Variants in CENPM observed in about 807,000 individuals in gnomAD.
The protein encoded by CENPM is interphase centromere complex protein 39.
In CENPM, 14 loss-of-function variants were observed where a neutral mutation model predicts 19.6. That is an observed-to-expected ratio of 0.71 (90% CI 0.47 to 1.11). CENPM has a LOEUF of 1.11. CENPM is among the 50% of genes most tolerant of loss of function. CENPM has a pLI of 0.00. For synonymous variants in CENPM, 114 were observed against 101.5 expected, an observed-to-expected ratio of 1.12 and a Z score of -0.74; for missense variants, 239 against 228.4, an observed-to-expected ratio of 1.05 and a Z score of -0.30.
At chr22:41,946,730 G>A (rs541587860) in intron 1 of CENPM, 1 of 593,926 alleles carries the variant, frequency 1.7e-6, no homozygotes, top group South Asian at 2.0e-5. Context: ...TCCCACCGCC[G>A]GCCTCTCCAG....
At chr22:41,933,192 C>T in the CENPM span, among the ~76,000 whole-genome samples, 1 of 152,166 alleles carries the variant, frequency 6.6e-6, no homozygotes, top group Non-Finnish European at 1.5e-5. Context: ...TCTCCCTACC[C>T]GGCCGTCTCC....
chr22:41,940,168 G>C lies in CENPM; in HGVS notation c.403-972C>G, dbSNP rs5758511. The C allele has an allele frequency of 6.5e-5, 50 of 769,662 alleles. 1 individual carries two copies. Among genetic ancestry groups the C allele is most frequent in the South Asian group, 6.4e-4 (46 of 72,398 alleles). The allele number at this position is 769,662 out of a possible 1,614,324, so 47.7% of individuals were successfully genotyped here. On this transcript the variant is annotated intron_variant, in intron 5 of 5. Coordinates refer to ENST00000215980, the MANE Select transcript of CENPM (RefSeq NM_024053.5). ...AGCACACCAGGCAAGTCCCACACTC[G>C]GCCCATGCACTTGCTGTTCCTCCTT...
chr22:41,928,472 T>C, the CENPM span, among the ~76,000 whole-genome samples: 3 of 152,010 alleles, frequency 2.0e-5, no homozygotes, highest in Admixed American at 6.6e-5. The surrounding 1 kb of genome is among the most constrained non-coding windows in gnomAD (Gnocchi z 4.0). Flanking sequence ...TGGGGTTAAA[T>C]GCCACACATG....
intron 5 of CENPM, among the ~76,000 whole-genome samples, chr22:41,941,653 C>G (rs113605045): frequency 1.3e-5 from 2 of 152,268 alleles, no homozygotes; most frequent in Non-Finnish European, 2.9e-5. Flanking sequence ...CCCTCACTCA[C>G]GAGCTGTCTG....
chr22:41,943,078 A>G (rs2077757271), intron 5 of CENPM, among the ~76,000 whole-genome samples: 1 of 152,104 alleles, frequency 6.6e-6, no homozygotes, highest in Non-Finnish European at 1.5e-5. Context: ...CACCTACCCA[A>G]CAAACATCCC....
At chr22:41,940,273 C>T in intron 5 of CENPM, 1 of 674,718 alleles carries the variant, frequency 1.5e-6, no homozygotes, top group South Asian at 1.6e-5. Context: ...CAGGGGCGTT[C>T]CCTGGTTACC....
At chr22:41,929,620 G>C in the CENPM span, among the ~76,000 whole-genome samples, 19 of 152,226 alleles carry the variant, frequency 1.2e-4, no homozygotes, top group Non-Finnish European at 1.8e-4. Context: ...CTTGGCCAGA[G>C]AGGGAGGCCA....
At chr22:41,944,111 AAAG>A (rs1602391282) in intron 4 of CENPM, 5 of 985,394 alleles carry the variant, frequency 5.1e-6, no homozygotes, top group East Asian at 2.3e-4. Flanking sequence ...TTAGCAAGAC[AAAG>A]AAGAGGAAAT....
intron 4 of CENPM, chr22:41,944,206 G>C (rs964954056): frequency 1.1e-6 from 1 of 911,478 alleles, no homozygotes; most frequent in African/African-American, 1.8e-5. Context: ...CACTATCTGA[G>C]GCAGGCGGAT....
intron 5 of CENPM, among the ~76,000 whole-genome samples, chr22:41,941,993 G>A (rs1042683472): frequency 6.6e-6 from 1 of 152,180 alleles, no homozygotes; most frequent in Non-Finnish European, 1.5e-5. Flanking sequence ...TAGACCAGAG[G>A]AGTGCCCTGA....
chr22:41,943,794 T>G, intron 4 of CENPM, 93 bp from the exon 5 acceptor site: 2 of 1,107,460 alleles, frequency 1.8e-6, no homozygotes, highest in Non-Finnish European at 2.6e-6. Context: ...TTCCCCACTC[T>G]GGGGCTCAGT....
chr22:41,932,345 A>G, the CENPM span, among the ~76,000 whole-genome samples: 42 of 152,318 alleles, frequency 2.8e-4, no homozygotes, highest in African/African-American at 9.6e-4. This position sits in a 1 kb window ranked among gnomAD's most constrained non-coding sequence, Gnocchi z 4.3. Flanking sequence ...GAGAGGGCAG[A>G]GTGGCCACGG....
intron 4 of CENPM, chr22:41,944,629 A>G (rs547075950): frequency 1.0e-6 from 1 of 972,334 alleles, no homozygotes; most frequent in African/African-American, 1.8e-5. Context: ...GTGACAGCTC[A>G]AAAGATGTCA....
At chr22:41,935,171 T>A (rs908873959), downstream of CENPM, among the ~76,000 whole-genome samples, 3 of 152,176 alleles carry the variant, frequency 2.0e-5, no homozygotes, top group African/African-American at 7.2e-5. Flanking sequence ...GCTTGGAAGG[T>A]TCCCAGACTC....
chr22:41,943,769 G>A, intron 4 of CENPM, 68 bp from the exon 5 acceptor site: 3 of 1,423,268 alleles, frequency 2.1e-6, no homozygotes. Flanking sequence ...GGAAGTGCTG[G>A]GCAGAGTCAC....
chr22:41,947,143 C>A lies in CENPM; in HGVS notation c.-67G>T, dbSNP rs751965249. On this transcript the variant is annotated 5_prime_UTR_variant, in exon 1 of 6. Transcript: ENST00000215980. ...ATCTTTCAAACCGCCCTGAGTCCAGCCCCTAGAGCGCGGCCTGGGGGCACG... is the reference window on the plus strand; with the variant it reads ...ATCTTTCAAACCGCCCTGAGTCCAGACCCTAGAGCGCGGCCTGGGGGCACG... 2.4e-5 allele frequency: 36 copies of A among 1,529,706 alleles called. No individual in the cohort carries two copies. Among genetic ancestry groups the A allele is most frequent in the Admixed American group, 7.0e-5 (4 of 57,180 alleles). 94.8% of individuals were successfully genotyped at this position (1,529,706 alleles called of 1,614,324 possible). A position where few individuals can be genotyped will look rare whatever the true frequency, so the allele number is the denominator to read the frequency against.
At chr22:41,927,328 C>T in the CENPM span, among the ~76,000 whole-genome samples, 1 of 152,118 alleles carries the variant, frequency 6.6e-6, no homozygotes, top group Non-Finnish European at 1.5e-5. Context: ...CCAGAGCCTC[C>T]TCTTGGGTAG....
At chr22:41,928,355 G>A in the CENPM span, among the ~76,000 whole-genome samples, 2 of 152,260 alleles carry the variant, frequency 1.3e-5, no homozygotes, top group Admixed American at 6.5e-5. The surrounding 1 kb of genome is among the most constrained non-coding windows in gnomAD (Gnocchi z 4.0). Context: ...CTCAGACTGC[G>A]TCTCAGAAAC....
the CENPM span, among the ~76,000 whole-genome samples, chr22:41,930,496 C>T: frequency 6.6e-6 from 1 of 152,050 alleles, no homozygotes; most frequent in Non-Finnish European, 1.5e-5. Context: ...GCCAACACGC[C>T]TGGCCTAATT....
Sources: allele counts gnomAD v4.1 joint callset (sites outside exome capture counted in the v4.1 genomes callset), GRCh38; gene constraint gnomAD v4.1.1; non-coding constraint Gnocchi (gnomAD v3.1); transcripts MANE v1.5; gene names NCBI Gene and HGNC (gene_info 2026-07-23, HGNC 2026-07-21).